The following LAMA1 variants were observed in gnomAD, a reference collection of about 807,000 sequenced individuals.
LAMA1 encodes the protein laminin subunit alpha-1.
A neutral mutation model predicts 348.7 loss-of-function variants in LAMA1; 219 were observed. The ratio of observed to expected loss-of-function variants is 0.63; its 90% confidence interval spans 0.56 to 0.70. The LOEUF (loss-of-function observed/expected upper bound fraction) is 0.70. LAMA1 is among the 30% of genes least tolerant of loss of function. The probability of loss-of-function intolerance (pLI) is 0.00; values close to 1 mark genes in which losing one functional copy is unlikely to be tolerated. For synonymous variants in LAMA1, 1,487 were observed against 1,491.0 expected, an observed-to-expected ratio of 1.00 and a Z score of 0.06; for missense variants, 3,744 against 3,888.0, an observed-to-expected ratio of 0.96 and a Z score of 0.99.
intron 14 of LAMA1, among the ~76,000 whole-genome samples, chr18:7,034,147 A>T (rs2057983623): frequency 6.6e-6 from 1 of 152,218 alleles, no homozygotes. Context: ...AGTAAAAGCT[A>T]AGACCATTAA....
intron 34 of LAMA1, among the ~76,000 whole-genome samples, chr18:6,994,439 G>C (rs146191031): frequency 0.015 from 2,328 of 152,274 alleles, 21 homozygotes; most frequent in Middle Eastern, 0.048. Flanking sequence ...TTCTAGTCAA[G>C]ACCAAAGAGA....
intron 36 of LAMA1, 58 bp from the exon 37 acceptor site, chr18:6,986,405 G>A (rs896854179): frequency 6.5e-7 from 1 of 1,540,072 alleles, no homozygotes; most frequent in Non-Finnish European, 8.9e-7. Context: ...TCCTATCTCT[G>A]AAATAATAGT....
At chr18:7,001,082 A>C (rs2144094621) in intron 30 of LAMA1, among the ~76,000 whole-genome samples, 1 of 152,260 alleles carries the variant, frequency 6.6e-6, no homozygotes, top group East Asian at 1.9e-4. Flanking sequence ...CCTTCCCAAT[A>C]CTTCTCTGGG....
intron 45 of LAMA1, 52 bp from the exon 46 acceptor site, chr18:6,975,088 GACC>G: frequency 6.3e-7 from 1 of 1,595,344 alleles, no homozygotes; most frequent in Non-Finnish European, 8.6e-7. Flanking sequence ...ACTGTTTGCT[GACC>G]ACCACAACAC....
intron 3 of LAMA1, among the ~76,000 whole-genome samples, chr18:7,059,464 A>G (rs926911578): frequency 6.6e-6 from 1 of 152,200 alleles, no homozygotes; most frequent in Non-Finnish European, 1.5e-5. Flanking sequence ...CACATAAATA[A>G]AGTAGGCACA....
chr18:7,081,112 T>G (rs1334321587), intron 1 of LAMA1, among the ~76,000 whole-genome samples: 1 of 151,940 alleles, frequency 6.6e-6, no homozygotes, highest in Admixed American at 6.6e-5. Context: ...GTGGAGATTG[T>G]GCCACTGCAC....
Position 7,011,506 on chromosome 18 carries a change from C to T in LAMA1, c.3508-27G>A, listed in dbSNP as rs758772125. On this transcript the variant is annotated intron_variant, in intron 24 of 62. Coordinates refer to ENST00000389658, the MANE Select transcript of LAMA1 (RefSeq NM_005559.4). Reference sequence around the variant, plus strand: ...TAAACCACGAAAGGAGGGGAAAGTGCACTTCAAAATGCGAACTTTCCACTC... The same window carrying T: ...TAAACCACGAAAGGAGGGGAAAGTGTACTTCAAAATGCGAACTTTCCACTC... 9 of 1,581,850 alleles carry T rather than the reference C, an allele frequency of 5.7e-6. No individual in the cohort carries two copies. In the South Asian group the frequency reaches 1.0e-4, roughly 18 times the overall value.
intron 56 of LAMA1, chr18:6,955,879 G>A (rs1262070931): frequency 2.8e-6 from 1 of 352,604 alleles, no homozygotes; most frequent in Non-Finnish European, 5.6e-6. Context: ...GTGCCCACAG[G>A]TGACATGTTT....
chr18:6,948,425 G>A lies in LAMA1; in HGVS notation c.8688C>T (p.Asp2896=), dbSNP rs779557855. 1.7e-5 allele frequency: 27 copies of A among 1,614,038 alleles called. No individual in the cohort carries two copies. Among genetic ancestry groups the A allele is most frequent in the Admixed American group, 1.3e-4 (8 of 60,006 alleles). Residue 2896 remains aspartate, a synonymous_variant, in exon 60 of 63, where the codon GAC becomes GAT. Transcript: ENST00000389658. ...YAVAQEGTYF[D]GSGYAALVKE... is the part of the protein sequence containing the mutation. ...TACCAAGAGCTGCATATCCGCTTCC[G>A]TCAAAGTATGTTCCTTCCTGGGCCA...
chr18:7,045,546 CTG>C (rs1216696584), intron 6 of LAMA1, among the ~76,000 whole-genome samples: 1 of 151,960 alleles, frequency 6.6e-6, no homozygotes, highest in African/African-American at 2.4e-5. Context: ...AAGAGATAAA[CTG>C]TTAAATCTTT....
intron 1 of LAMA1, among the ~76,000 whole-genome samples, chr18:7,097,464 A>T (rs2058266514): frequency 6.8e-6 from 1 of 147,976 alleles, no homozygotes; most frequent in South Asian, 2.2e-4. Flanking sequence ...ATTGATCTGT[A>T]GGTTCCATCC....
At chr18:7,024,614 G>T in intron 17 of LAMA1, 148 bp from the exon 18 acceptor site, 1 of 698,242 alleles carries the variant, frequency 1.4e-6, no homozygotes. Context: ...TGGTCACCCA[G>T]CCCACCCTGT....
In LAMA1 at chr18:7,013,857, A is replaced by C; in HGVS notation, c.3321T>G (p.Gly1107=). 4 of 1,611,892 alleles carry C rather than the reference A, an allele frequency of 2.5e-6. No individual in the cohort carries two copies. The highest frequency in any genetic ancestry group is 2.5e-6 in the Non-Finnish European group (3 of 1,178,950). The change falls in exon 23 of 63, where the codon GGT becomes GGG. Residue 1107 remains glycine (G), a synonymous_variant. Transcript: ENST00000389658. ...CGGTTTCCTCCACACAGCCGCAGAG[A>C]CCCTGCTCCAGGTTGCAGGCGTCCC... is the stretch of plus-strand genomic sequence containing the variant. The part of the protein sequence containing the change: ...TSGDACNLEQ[G]LCGCVEETGA...
intron 33 of LAMA1, among the ~76,000 whole-genome samples, chr18:6,996,736 G>A (rs749179560): frequency 5.9e-5 from 9 of 152,110 alleles, no homozygotes; most frequent in South Asian, 4.2e-4. Context: ...CCATGACTGC[G>A]CCACTGCATG....
chr18:7,104,136 G>A (rs1255175301), intron 1 of LAMA1, among the ~76,000 whole-genome samples: 7 of 151,926 alleles, frequency 4.6e-5, no homozygotes, highest in Non-Finnish European at 8.8e-5. Context: ...CCGCCACCAC[G>A]CTTGGCTGAT....
rs745953314 is a variant in LAMA1 at position 7,007,143 on chromosome 18, C to CACTT, written c.4252_4255dup (p.Cys1419Ter). On this transcript the variant is annotated stop_gained and frameshift_variant, in exon 29 of 63. Coordinates refer to ENST00000389658, the MANE Select transcript of LAMA1 (RefSeq NM_005559.4). LOFTEE classifies it high-confidence loss of function. The stretch of plus-strand genomic sequence containing the variant: ...CACCCCCACAAACCAGCATACCAGA[C>CACTT]ACTTCCCGGTGTTGGGGTCACAGGT... 1.9e-6 allele frequency: 3 copies of CACTT among 1,614,036 alleles called. No homozygotes were observed. Among genetic ancestry groups the CACTT allele is most frequent in the East Asian group, 4.5e-5 (2 of 44,866 alleles).
At position 7,113,716 on chromosome 18, in the gene LAMA1, T is replaced by TCCTGAGAAAAACAAACAA. The variant is rs562794845; in HGVS notation, c.61+3926_61+3943dup. ...CTGCTGAGTGAACCATCACACTATT[T>TCCTGAGAAAAACAAACAA]CCTGAGAAAAACAAACAACCTGAGA... is the stretch of plus-strand genomic sequence containing the variant. On this transcript the variant is annotated intron_variant, in intron 1 of 62. Coordinates refer to ENST00000389658, the MANE Select transcript of LAMA1 (RefSeq NM_005559.4). Among the ~76,000 whole-genome samples, 5 of 152,068 alleles carry TCCTGAGAAAAACAAACAA rather than the reference T, an allele frequency of 3.3e-5. No individual in the cohort carries two copies. In the South Asian group the frequency reaches 1.0e-3, roughly 32 times the overall value.
At position 6,999,933 on chromosome 18, in the gene LAMA1, A is replaced by T. The variant is rs368008526; in HGVS notation, c.4447T>A (p.Tyr1483Asn). Reference sequence around the variant, plus strand: ...TACCTTTCACAGTGTTTTCCTTCATAGCCCAGGAGACAGGCGTCACAACGG... The same window carrying T: ...TACCTTTCACAGTGTTTTCCTTCATTGCCCAGGAGACAGGCGTCACAACGG... Reference protein sequence around the residue: ...DFRCDACLLGYEGKHCERCSS... With the variant: ...DFRCDACLLGNEGKHCERCSS... The change falls in exon 31 of 63, where the codon TAT (tyrosine) becomes AAT (asparagine). Residue 1483 changes from tyrosine to asparagine, a missense_variant. Tyr to Asn is a moderately radical substitution (Grantham distance 143, BLOSUM62 -2). Coordinates refer to ENST00000389658, the MANE Select transcript of LAMA1 (RefSeq NM_005559.4). 1 of 1,614,044 alleles carries T rather than the reference A, an allele frequency of 6.2e-7. No homozygotes were observed. The highest frequency in any genetic ancestry group is 1.7e-5 in the Admixed American group (1 of 60,002).
At chr18:7,018,622 C>T (rs1395997498) in intron 19 of LAMA1, among the ~76,000 whole-genome samples, 2 of 152,034 alleles carry the variant, frequency 1.3e-5, no homozygotes, top group Non-Finnish European at 1.5e-5. Flanking sequence ...GTCTCGATCT[C>T]CTGACCTTGT....
Sources: allele counts gnomAD v4.1 joint callset (sites outside exome capture counted in the v4.1 genomes callset), GRCh38; gene constraint gnomAD v4.1.1; transcripts MANE v1.5; gene names NCBI Gene and HGNC (gene_info 2026-07-23, HGNC 2026-07-21).